The following CALCR variants were observed in gnomAD, a reference collection of about 807,000 sequenced individuals.
The protein encoded by CALCR is calcitonin receptor.
A neutral mutation model predicts 59.5 loss-of-function variants in CALCR; 47 were observed. The ratio of observed to expected loss-of-function variants is 0.79; its 90% CI spans 0.63 to 1.01. The LOEUF (loss-of-function observed/expected upper bound fraction) is 1.01, where lower values mean the gene tolerates loss of function less well. CALCR is among the 50% of genes least tolerant of loss of function. The pLI is 0.00. For missense variants in CALCR, 566 were observed against 597.1 expected, an observed-to-expected ratio of 0.95 and a Z score of 0.54; for synonymous variants, 213 against 211.3, an observed-to-expected ratio of 1.01 and a Z score of -0.07.
chr7:93,523,039 C>G (rs1027585706), intron 2 of CALCR, among the ~76,000 whole-genome samples: 1 of 152,068 alleles, frequency 6.6e-6, no homozygotes, highest in Non-Finnish European at 1.5e-5. Context: ...TGAAGCAATA[C>G]TGATCACTTT....
rs57128008 is a variant in CALCR, at chr7:93,532,838, C to CAAAAAAAAA, written c.-27+41442_-27+41450dup. Among the ~76,000 whole-genome samples the CAAAAAAAAA allele has an allele frequency of 2.0e-3, 188 of 95,654 alleles. 3 individuals are homozygous for CAAAAAAAAA. Among genetic ancestry groups the CAAAAAAAAA allele is most frequent in the African/African-American group, 5.6e-3 (111 of 19,916 alleles). The allele number at this position is 95,654 out of a possible 152,430, so 62.8% of individuals were successfully genotyped here. ...TAGCCTTGATTCCTCATGTCCAAAGCAAAAAAAAAAAAAAAAAAAAAAAAA... is the reference window on the plus strand; with the variant it reads ...TAGCCTTGATTCCTCATGTCCAAAGCAAAAAAAAAAAAAAAAAAAAAAAAAAAAAAAAAA... On this transcript the variant is annotated intron_variant, in intron 2 of 13. Coordinates refer to ENST00000426151, the MANE Select transcript of CALCR (RefSeq NM_001742.4).
chr7:93,440,193 T>C (rs1323343543), intron 9 of CALCR, among the ~76,000 whole-genome samples: 1 of 152,134 alleles, frequency 6.6e-6, no homozygotes, highest in African/African-American at 2.4e-5. Context: ...CTTTCAAGAA[T>C]CTTTTAAAAG....
At chr7:93,525,254 T>G (rs1801852894) in intron 2 of CALCR, among the ~76,000 whole-genome samples, 1 of 152,190 alleles carries the variant, frequency 6.6e-6, no homozygotes, top group African/African-American at 2.4e-5. Flanking sequence ...AAAAAAATGT[T>G]AGGAAACATT....
At chr7:93,460,580 T>TATATATATATATAC (rs1562982468) in intron 8 of CALCR, among the ~76,000 whole-genome samples, 24 of 111,938 alleles carry the variant, frequency 2.1e-4, no homozygotes, top group South Asian at 1.5e-3. Flanking sequence ...AAAATATATA[T>TATATATATATATAC]ATATATATAT....
intron 7 of CALCR, among the ~76,000 whole-genome samples, chr7:93,464,105 T>C (rs1326419582): frequency 1.3e-5 from 2 of 152,044 alleles, no homozygotes; most frequent in Non-Finnish European, 2.9e-5. Flanking sequence ...ATAGTTCATC[T>C]GGTGTAAATC....
intron 2 of CALCR, among the ~76,000 whole-genome samples, chr7:93,526,183 G>A (rs975144373): frequency 6.6e-6 from 1 of 152,092 alleles, no homozygotes; most frequent in Non-Finnish European, 1.5e-5. Context: ...GAACTGGATC[G>A]TTTTTGTTTG....
intron 2 of CALCR, among the ~76,000 whole-genome samples, chr7:93,533,951 C>T (rs1788917191): frequency 6.6e-6 from 1 of 151,676 alleles, no homozygotes; most frequent in Non-Finnish European, 1.5e-5. Flanking sequence ...CTCTAGAGAC[C>T]ATCTCTTTAT....
chr7:93,507,661 A>T (rs1290443232), intron 2 of CALCR, among the ~76,000 whole-genome samples: 3 of 150,116 alleles, frequency 2.0e-5, no homozygotes, highest in Admixed American at 6.7e-5. Context: ...TAATCCCAAC[A>T]CTTTGGGAGG....
intron 8 of CALCR, among the ~76,000 whole-genome samples, chr7:93,449,483 A>G (rs1319885647): frequency 3.3e-5 from 5 of 152,002 alleles, no homozygotes; most frequent in African/African-American, 1.2e-4. Context: ...TACCTGATTC[A>G]TCACCTTTAT....
At chr7:93,443,364 C>T (rs538550274) in intron 9 of CALCR, among the ~76,000 whole-genome samples, 2 of 152,146 alleles carry the variant, frequency 1.3e-5, no homozygotes, top group South Asian at 4.2e-4. Context: ...CTGAAGTTAC[C>T]CTTTGGAAGT....
chr7:93,505,218 C>G (rs879711214), intron 2 of CALCR, among the ~76,000 whole-genome samples: 6 of 152,030 alleles, frequency 3.9e-5, no homozygotes, highest in Non-Finnish European at 8.8e-5. Flanking sequence ...AGAACTCCCC[C>G]CCAAAAATAG....
chr7:93,545,917 G>A (rs1413804860), intron 2 of CALCR, among the ~76,000 whole-genome samples: 2 of 151,986 alleles, frequency 1.3e-5, no homozygotes, highest in Non-Finnish European at 2.9e-5. Flanking sequence ...TAAAGTAGGG[G>A]CTAAACAAGT....
intron 2 of CALCR, among the ~76,000 whole-genome samples, chr7:93,515,959 C>T (rs532379954): frequency 2.3e-4 from 35 of 150,250 alleles, no homozygotes; most frequent in African/African-American, 8.2e-4. Context: ...TTTCAATAAT[C>T]ATAAAATAAA....
intron 5 of CALCR, among the ~76,000 whole-genome samples, chr7:93,476,364 T>G (rs1380184712): frequency 1.3e-5 from 2 of 151,888 alleles, no homozygotes; most frequent in Admixed American, 1.3e-4. Flanking sequence ...TTAATGTGTT[T>G]TGTACATCAT....
At chr7:93,559,137 T>C (rs941062697) in intron 2 of CALCR, among the ~76,000 whole-genome samples, 1 of 152,118 alleles carries the variant, frequency 6.6e-6, no homozygotes. Flanking sequence ...GAAAAATTAT[T>C]TGAGAAAATA....
intron 2 of CALCR, among the ~76,000 whole-genome samples, chr7:93,565,402 C>T (rs1789841809): frequency 6.6e-6 from 1 of 152,192 alleles, no homozygotes; most frequent in South Asian, 2.1e-4. Context: ...CTCCACATTG[C>T]TACTCTTCAA....
intron 8 of CALCR, among the ~76,000 whole-genome samples, chr7:93,447,037 G>T (rs961584444): frequency 6.6e-6 from 1 of 151,990 alleles, no homozygotes; most frequent in Non-Finnish European, 1.5e-5. Flanking sequence ...TGGCTTCAAT[G>T]AGTCATATCA....
intron 7 of CALCR, among the ~76,000 whole-genome samples, chr7:93,461,199 G>A (rs928856744): frequency 6.6e-5 from 10 of 151,956 alleles, no homozygotes; most frequent in Non-Finnish European, 1.5e-4. Flanking sequence ...TGAAAGAGTG[G>A]GTGATAAAAT....
chr7:93,500,256 G>A (rs1801294134), intron 2 of CALCR, among the ~76,000 whole-genome samples: 1 of 151,740 alleles, frequency 6.6e-6, no homozygotes, highest in African/African-American at 2.4e-5. Flanking sequence ...GTCTAGTAGG[G>A]GTAGAAATAA....
Sources: gnomAD v4.1 joint callset for allele counts (sites outside exome capture counted in the v4.1 genomes callset) on GRCh38, gnomAD v4.1.1 for gene constraint, MANE v1.5 for transcripts, NCBI Gene and HGNC (gene_info 2026-07-23, HGNC 2026-07-21) for gene names.